The following PYROXD1 variants were observed in gnomAD, a reference collection of about 807,000 sequenced individuals.
The protein encoded by PYROXD1 is tRNA ligase complex-associated NAD(P)H dehydrogenase PYROXD1.
PYROXD1 carries 42 observed loss-of-function variants against 62.0 expected under a neutral mutation model. That is an observed-to-expected ratio of 0.68 (90% confidence interval 0.53 to 0.88). The LOEUF (loss-of-function observed/expected upper bound fraction) is 0.88. PYROXD1 is among the 40% of genes least tolerant of loss of function. The pLI is 0.00. For synonymous variants in PYROXD1, 170 were observed against 206.4 expected (o/e 0.82, Z 1.51); for missense variants, 493 against 604.8 (o/e 0.82, Z 1.94).
rs768153615 is a variant in PYROXD1 at position 21,467,479 on chromosome 12, A to G, written c.1117-2A>G. Reference sequence around the variant, plus strand: ...TTGTGTAACATTTTTTCATCATTTCAGATGAGGCTGTGGACCCAGGCTAGA... The same window carrying G: ...TTGTGTAACATTTTTTCATCATTTCGGATGAGGCTGTGGACCCAGGCTAGA... On this transcript the variant is annotated splice_acceptor_variant, in intron 10 of 11. Coordinates refer to ENST00000240651, the MANE Select transcript of PYROXD1 (RefSeq NM_024854.5). LOFTEE classifies it high-confidence loss of function. The G allele has an allele frequency of 3.3e-5, 52 of 1,591,412 alleles. No homozygotes were observed. Among genetic ancestry groups the G allele is most frequent in the Non-Finnish European group, 4.3e-5 (50 of 1,172,380 alleles).
chr12:21,446,537 C>G (rs1309763525), intron 3 of PYROXD1, among the ~76,000 whole-genome samples: 1 of 149,374 alleles, frequency 6.7e-6, no homozygotes, highest in Non-Finnish European at 1.5e-5. Context: ...AAGGAAGATA[C>G]ATCTGATAGG....
In PYROXD1 at chr12:21,456,064, A is replaced by G. The variant is rs1233627519; in HGVS notation, c.719A>G (p.His240Arg). The change falls in exon 7 of 12, where the codon CAT (histidine) becomes CGT (arginine). Residue 240 changes from histidine to arginine, a missense_variant. Physicochemically the swap from His to Arg is conservative, Grantham distance 29 (BLOSUM62 0). Around this residue, in one of 2 missense-constraint regions of PYROXD1, gnomAD observed 329 missense variants for 446.6 expected, o/e 0.74. Coordinates refer to ENST00000240651, the MANE Select transcript of PYROXD1 (RefSeq NM_024854.5). Reference sequence around the variant, plus strand: ...GGAAGTGCATTGGGACCAGATTGGCATGAAGGCTTGAATCTTAAAGGAACA... The same window carrying G: ...GGAAGTGCATTGGGACCAGATTGGCGTGAAGGCTTGAATCTTAAAGGAACA... ...NVGSALGPDW[H>R]EGLNLKGTKE... 3.1e-6 allele frequency: 5 copies of G among 1,610,652 alleles called. No homozygotes were observed. The highest frequency in any genetic ancestry group is 2.2e-5 in the East Asian group (1 of 44,774).
Position 21,449,364 on chromosome 12 carries a change from AT to A in PYROXD1, c.286-196del, listed in dbSNP as rs3834485. On this transcript the variant is annotated intron_variant, in intron 3 of 11. Transcript: ENST00000240651. ...CAAAATGGTTCATGAGCTTAAAATGATTTAAGAATAACTGGATTAGTACATG... is the reference window on the plus strand; with the variant it reads ...CAAAATGGTTCATGAGCTTAAAATGATTAAGAATAACTGGATTAGTACATG... Among the ~76,000 whole-genome samples, 75,074 of 151,990 alleles carry A rather than the reference AT, an allele frequency of 0.49. 18,588 individuals are homozygous for A. Among genetic ancestry groups the A allele is most frequent in the Middle Eastern group, 0.59 (171 of 292 alleles).
chr12:21,446,971 A>T (rs1475771478), intron 3 of PYROXD1, among the ~76,000 whole-genome samples: 1 of 152,164 alleles, frequency 6.6e-6, no homozygotes, highest in Non-Finnish European at 1.5e-5. Flanking sequence ...TAAGGTCTGA[A>T]CTGAGACAGG....
At chr12:21,457,398 T>A (rs1211127055) in intron 7 of PYROXD1, among the ~76,000 whole-genome samples, 2 of 151,948 alleles carry the variant, frequency 1.3e-5, no homozygotes, top group Non-Finnish European at 2.9e-5. Context: ...GGTGACCAAA[T>A]GCCTTGTCAA....
In PYROXD1 at chr12:21,468,812, G is replaced by A. The variant is rs1942854134; in HGVS notation, c.*58G>A. ...CCAAATGACACCAGAAAAATCACAAGTCAATAAAATGAATGACTGTATTGA... is the reference window on the plus strand; with the variant it reads ...CCAAATGACACCAGAAAAATCACAAATCAATAAAATGAATGACTGTATTGA... On this transcript the variant is annotated 3_prime_UTR_variant, in exon 12 of 12. Coordinates refer to ENST00000240651, the MANE Select transcript of PYROXD1 (RefSeq NM_024854.5). 1 of 1,497,780 alleles carries A rather than the reference G, an allele frequency of 6.7e-7. No homozygotes were observed. The highest frequency in any genetic ancestry group is 9.1e-7 in the Non-Finnish European group (1 of 1,104,128). The allele number at this position is 1,497,780 out of a possible 1,614,324, so 92.8% of individuals were successfully genotyped here.
At chr12:21,442,763 G>C (rs1005333593) in intron 2 of PYROXD1, among the ~76,000 whole-genome samples, 1 of 152,220 alleles carries the variant, frequency 6.6e-6, no homozygotes, top group Admixed American at 6.5e-5. Context: ...CCTCACAGTA[G>C]CAAGGGATGC....
intron 9 of PYROXD1, among the ~76,000 whole-genome samples, 185 bp downstream of exon 9, chr12:21,462,305 T>A (rs1246149618): frequency 6.6e-6 from 1 of 152,214 alleles, no homozygotes; most frequent in African/African-American, 2.4e-5. Context: ...CCTTACATAG[T>A]TATATCCTTG....
chr12:21,449,612 T>C lies in PYROXD1; in HGVS notation c.335T>C (p.Leu112Pro), dbSNP rs2137256805. ...CAGCACGTATATAAGAAACTCTGTC[T>C]GTGTGCTGGAGCTAAACCAAAGTTG... ...GNQHVYKKLCLCAGAKPKLIC... is the reference protein window; with the variant it reads ...GNQHVYKKLCPCAGAKPKLIC... Residue 112 changes from leucine to proline, a missense_variant, in exon 4 of 12, where the codon CTG becomes CCG. By Grantham distance (98) the Leu-to-Pro change is moderately conservative. This residue lies in a region of PYROXD1 where 164 missense variants were observed against 158.2 expected (regional missense o/e 1.04). Coordinates refer to ENST00000240651, the MANE Select transcript of PYROXD1 (RefSeq NM_024854.5). 6.2e-7 allele frequency: 1 copy of C among 1,613,362 alleles called. No individual in the cohort carries two copies. The highest frequency in any genetic ancestry group is 8.5e-7 in the Non-Finnish European group (1 of 1,179,474).
chr12:21,457,973 G>C (rs1416831932), intron 7 of PYROXD1, among the ~76,000 whole-genome samples: 3 of 152,054 alleles, frequency 2.0e-5, no homozygotes, highest in African/African-American at 7.2e-5. Flanking sequence ...GTTCTTAAGG[G>C]CCCTAGAACT....
intron 2 of PYROXD1, among the ~76,000 whole-genome samples, chr12:21,444,843 A>G (rs1282139078): frequency 6.6e-6 from 1 of 152,204 alleles, no homozygotes; most frequent in African/African-American, 2.4e-5. Context: ...TTTCAGGTTA[A>G]CAGTTTAGGA....
rs752303863 is a variant in PYROXD1 at position 21,469,586 on chromosome 12, G to GTA, written c.*837_*838dup. 4.6e-5 allele frequency: 7 copies of GTA among 151,436 alleles called. No homozygotes were observed. The highest frequency in any genetic ancestry group is 1.0e-4 in the Non-Finnish European group (7 of 67,906). 9.4% of individuals were successfully genotyped at this position (151,436 alleles called of 1,614,324 possible). A position where few individuals can be genotyped will look rare whatever the true frequency, so the allele number is the denominator to read the frequency against. On this transcript the variant is annotated 3_prime_UTR_variant, in exon 12 of 12. Coordinates refer to ENST00000240651, the MANE Select transcript of PYROXD1 (RefSeq NM_024854.5). ...ATGTCAAAAGAAAAAATATAGCTAA[G>GTA]TATATAAAGGCATAAAAAACTTAAG... is the stretch of plus-strand genomic sequence containing the variant.
At chr12:21,455,069 A>C (rs1055112828) in intron 5 of PYROXD1, 63 bp from the exon 6 acceptor site, 7 of 1,008,894 alleles carry the variant, frequency 6.9e-6, no homozygotes, top group Non-Finnish European at 9.4e-6. Context: ...ATTATTTGCA[A>C]ATGCAAAGAT....
At chr12:21,445,528 C>T in intron 3 of PYROXD1, 62 bp downstream of exon 3, 3 of 1,471,582 alleles carry the variant, frequency 2.0e-6, no homozygotes, top group Non-Finnish European at 2.7e-6. Flanking sequence ...GTTTTGCCTG[C>T]CTCTTTTCAC....
intron 1 of PYROXD1, 30 bp downstream of exon 1, chr12:21,437,844 T>G: frequency 3.1e-6 from 5 of 1,595,218 alleles, no homozygotes; most frequent in Non-Finnish European, 4.3e-6. Flanking sequence ...GTTCCGCCTC[T>G]TTCCCCGACC....
chr12:21,446,416 C>T (rs189800225), intron 3 of PYROXD1, among the ~76,000 whole-genome samples: 33 of 151,914 alleles, frequency 2.2e-4, no homozygotes, highest in African/African-American at 7.2e-4. Flanking sequence ...CAGAGCGAGA[C>T]TCCTTCTCAA....
At chr12:21,443,400 A>C (rs1166893770) in intron 2 of PYROXD1, among the ~76,000 whole-genome samples, 1 of 152,178 alleles carries the variant, frequency 6.6e-6, no homozygotes, top group Non-Finnish European at 1.5e-5. Context: ...AGCCAAGTTT[A>C]TACTTATAGA....
chr12:21,455,354 G>A, intron 6 of PYROXD1, 62 bp downstream of exon 6: 4 of 1,027,262 alleles, frequency 3.9e-6, no homozygotes, highest in Non-Finnish European at 5.3e-6. Flanking sequence ...ATATAGAAAA[G>A]GGCTACAAGA....
In PYROXD1 at chr12:21,468,816, A is replaced by G. The variant is rs941816567; in HGVS notation, c.*62A>G. On this transcript the variant is annotated 3_prime_UTR_variant, in exon 12 of 12. Transcript: ENST00000240651. The stretch of plus-strand genomic sequence containing the variant: ...ATGACACCAGAAAAATCACAAGTCA[A>G]TAAAATGAATGACTGTATTGAGTTA... 7.5e-6 allele frequency: 11 copies of G among 1,457,212 alleles called. No individual in the cohort carries two copies. In the African/African-American group the frequency reaches 8.5e-5, roughly 11 times the overall value. The allele number at this position is 1,457,212 out of a possible 1,614,324, so 90.3% of individuals were successfully genotyped here.
Sources: allele counts gnomAD v4.1 joint callset (sites outside exome capture counted in the v4.1 genomes callset), GRCh38; gene constraint gnomAD v4.1.1; regional missense constraint gnomAD v4.1.1; transcripts MANE v1.5; gene names NCBI Gene and HGNC (gene_info 2026-07-23, HGNC 2026-07-21).